The following RUNDC3B variants were observed in gnomAD, a reference collection of about 807,000 sequenced individuals.
The protein encoded by RUNDC3B is RUN domain-containing protein 3B.
RUNDC3B carries 33 observed loss-of-function variants against 58.4 expected under a neutral mutation model. That is an observed-to-expected ratio of 0.56 (90% CI 0.43 to 0.75). The LOEUF is 0.75. Among genes scored for constraint, RUNDC3B ranks in the 30% least tolerant of loss-of-function variants. The pLI, the probability that RUNDC3B is intolerant of heterozygous loss-of-function variation, is 0.00. For synonymous variants in RUNDC3B, 193 were observed against 195.2 expected (o/e 0.99, Z 0.10); for missense variants, 501 against 535.7 (o/e 0.94, Z 0.64).
intron 6 of RUNDC3B, among the ~76,000 whole-genome samples, chr7:87,758,928 C>T (rs1833527740): frequency 1.3e-5 from 2 of 152,038 alleles, no homozygotes; most frequent in South Asian, 4.1e-4. Context: ...GAAGGTTTCT[C>T]AAAACACTTA....
intron 2 of RUNDC3B, among the ~76,000 whole-genome samples, chr7:87,678,379 T>G (rs1025732931): frequency 6.6e-6 from 1 of 152,238 alleles, no homozygotes; most frequent in African/African-American, 2.4e-5. Context: ...GTTATATATA[T>G]TTAGTTGAAA....
intron 1 of RUNDC3B, among the ~76,000 whole-genome samples, chr7:87,639,051 C>T (rs1266229809): frequency 1.3e-5 from 2 of 149,114 alleles, no homozygotes; most frequent in Non-Finnish European, 3.0e-5. Flanking sequence ...ACTCCGGAGG[C>T]TGAGGCAGGA....
intron 10 of RUNDC3B, among the ~76,000 whole-genome samples, chr7:87,826,224 G>A (rs977022707): frequency 1.7e-4 from 26 of 152,020 alleles, no homozygotes; most frequent in East Asian, 3.9e-4. Flanking sequence ...ATTTAATTAC[G>A]GGGGCAGATC....
intron 6 of RUNDC3B, among the ~76,000 whole-genome samples, chr7:87,749,744 C>T (rs552205488): frequency 4.6e-5 from 7 of 151,798 alleles, no homozygotes; most frequent in African/African-American, 7.3e-5. Context: ...ATAAAGATAG[C>T]GGAAAGTTTA....
chr7:87,679,441 T>C (rs1585081414), intron 2 of RUNDC3B, among the ~76,000 whole-genome samples: 1 of 149,100 alleles, frequency 6.7e-6, no homozygotes, highest in Non-Finnish European at 1.5e-5. Flanking sequence ...CAGGTTGGAG[T>C]GCAATGGCAC....
chr7:87,810,866 C>T (rs1184389571), intron 9 of RUNDC3B, among the ~76,000 whole-genome samples: 1 of 151,988 alleles, frequency 6.6e-6, no homozygotes, highest in Non-Finnish European at 1.5e-5. Context: ...TAACATGATA[C>T]CATGTAAAAG....
chr7:87,648,000 T>C (rs2130352138), intron 1 of RUNDC3B, among the ~76,000 whole-genome samples: 1 of 151,812 alleles, frequency 6.6e-6, no homozygotes, highest in African/African-American at 2.4e-5. Flanking sequence ...CTGGCTAACA[T>C]GGTGAAACCC....
At chr7:87,668,865 T>A (rs1352730836) in intron 2 of RUNDC3B, among the ~76,000 whole-genome samples, 2 of 152,208 alleles carry the variant, frequency 1.3e-5, no homozygotes. Flanking sequence ...TTCAGTTCTT[T>A]TACATTTGTT....
intron 10 of RUNDC3B, among the ~76,000 whole-genome samples, chr7:87,825,293 A>G (rs1837739084): frequency 6.6e-6 from 1 of 152,184 alleles, no homozygotes; most frequent in South Asian, 2.1e-4. Flanking sequence ...CATAAGTAAC[A>G]AGGAGCCAAA....
At chr7:87,742,615 G>GATAT (rs1305545564) in intron 6 of RUNDC3B, among the ~76,000 whole-genome samples, 1 of 151,006 alleles carries the variant, frequency 6.6e-6, no homozygotes, top group African/African-American at 2.4e-5. Flanking sequence ...TAGATAGATA[G>GATAT]ATAGATATCA....
intron 2 of RUNDC3B, among the ~76,000 whole-genome samples, chr7:87,685,472 G>T (rs141497420): frequency 0.016 from 2,371 of 152,110 alleles, 41 homozygotes; most frequent in South Asian, 0.023. Flanking sequence ...ATAAACTGTT[G>T]TATGTTCATA....
intron 1 of RUNDC3B, among the ~76,000 whole-genome samples, chr7:87,637,151 A>G (rs1437481505): frequency 6.6e-6 from 1 of 152,132 alleles, no homozygotes; most frequent in Non-Finnish European, 1.5e-5. Flanking sequence ...ACAATTCAAG[A>G]TGAGATTTGG....
At position 87,650,851 on chromosome 7, in the gene RUNDC3B, C is replaced by T; in HGVS notation, c.152C>T (p.Ser51Phe). The T allele has an allele frequency of 6.2e-7, 1 of 1,612,140 alleles. No individual in the cohort carries two copies. The highest frequency in any genetic ancestry group is 8.5e-7 in the Non-Finnish European group (1 of 1,178,482). ...TCTGTGAAGACCCTGATTGATCGGT[C>T]TTGCTTTGAGACAATTGATGATTCT... is the stretch of plus-strand genomic sequence containing the variant. ...RFSVKTLIDR[S>F]CFETIDDSSP... Residue 51 changes from serine (S) to phenylalanine (F), a missense_variant, in exon 2 of 11, where the codon TCT becomes TTT. Transcript: ENST00000394654.
At chr7:87,725,835 T>A (rs1831196016) in intron 4 of RUNDC3B, among the ~76,000 whole-genome samples, 3 of 152,240 alleles carry the variant, frequency 2.0e-5, no homozygotes, top group Admixed American at 2.0e-4. Context: ...ATTTCTCTGA[T>A]GGCCAGTGAT....
intron 4 of RUNDC3B, among the ~76,000 whole-genome samples, chr7:87,720,219 T>C (rs1830793886): frequency 6.6e-6 from 1 of 152,154 alleles, no homozygotes; most frequent in Non-Finnish European, 1.5e-5. Flanking sequence ...CTCTTAGACA[T>C]ATGAACATTT....
Position 87,701,871 on chromosome 7 carries a change from C to T in RUNDC3B, c.372+1317C>T, listed in dbSNP as rs187123054. ...GTAAAACAGAGATACTGGCCGGGCGCGGTGGCTCACGCCTGTAATCCCAGC... is the reference window on the plus strand; with the variant it reads ...GTAAAACAGAGATACTGGCCGGGCGTGGTGGCTCACGCCTGTAATCCCAGC... On this transcript the variant is annotated intron_variant, in intron 3 of 10. Transcript: ENST00000394654. Among the ~76,000 whole-genome samples, 431 of 152,132 alleles carry T rather than the reference C, an allele frequency of 2.8e-3. 1 individual carries two copies. The highest frequency in any genetic ancestry group is 7.6e-3 in the African/African-American group (315 of 41,508).
chr7:87,713,804 C>T (rs1830305260), intron 4 of RUNDC3B, among the ~76,000 whole-genome samples: 1 of 151,816 alleles, frequency 6.6e-6, no homozygotes, highest in South Asian at 2.1e-4. Context: ...TTTAAAATAC[C>T]ATATGATATT....
At chr7:87,735,292 T>G (rs1388067104) in intron 4 of RUNDC3B, among the ~76,000 whole-genome samples, 1 of 152,196 alleles carries the variant, frequency 6.6e-6, no homozygotes, top group East Asian at 1.9e-4. Flanking sequence ...TTATTTACCT[T>G]TATCTCCATG....
chr7:87,654,519 G>T (rs1823891659), intron 2 of RUNDC3B, among the ~76,000 whole-genome samples: 1 of 152,086 alleles, frequency 6.6e-6, no homozygotes, highest in Non-Finnish European at 1.5e-5. Context: ...GAGACAACTG[G>T]TTAGCCACAT....
Sources: allele counts gnomAD v4.1 joint callset (sites outside exome capture counted in the v4.1 genomes callset), GRCh38; gene constraint gnomAD v4.1.1; transcripts MANE v1.5; gene names NCBI Gene and HGNC (gene_info 2026-07-23, HGNC 2026-07-21).